The following IMMP2L variants were observed in gnomAD, a reference collection of about 807,000 sequenced individuals.
The protein encoded by IMMP2L is inner mitochondrial membrane peptidase subunit 2.
In IMMP2L, 18 loss-of-function variants were observed where a neutral mutation model predicts 19.3. That is an observed-to-expected ratio of 0.93 (90% CI 0.64 to 1.38). IMMP2L has a LOEUF of 1.38. Ranked by LOEUF, IMMP2L falls within the 40% of genes most tolerant of loss-of-function variation. IMMP2L has a pLI of 0.00. For missense variants in IMMP2L, 233 were observed against 218.2 expected (o/e 1.07, Z -0.43); for synonymous variants, 76 against 73.0 (o/e 1.04, Z -0.21).
chr7:111,475,620 T>C (rs148924131), intron 3 of IMMP2L, among the ~76,000 whole-genome samples: 2,298 of 152,138 alleles, frequency 0.015, 76 homozygotes, highest in African/African-American at 0.052. Flanking sequence ...ACAAGAGATA[T>C]GGAGATAACC....
chr7:111,100,385 A>G (rs1797844615), intron 3 of IMMP2L, among the ~76,000 whole-genome samples: 1 of 148,912 alleles, frequency 6.7e-6, no homozygotes, highest in African/African-American at 2.4e-5. Flanking sequence ...GATCAGGAGT[A>G]TATATATATA....
chr7:110,771,081 G>A (rs1307076644), intron 5 of IMMP2L, among the ~76,000 whole-genome samples: 4 of 152,138 alleles, frequency 2.6e-5, no homozygotes, highest in Admixed American at 2.0e-4. Context: ...GCAATGTCAA[G>A]GGAAAATTAA....
At position 111,281,136 on chromosome 7, in the gene IMMP2L, A is replaced by C. The variant is rs888708907; in HGVS notation, c.239+206102T>G. Reference sequence around the variant, plus strand: ...AAAGAGAGAAAGAGAGAAAGAGAGAAAGACAGAAAGACAGAAAGACAGAAA... The same window carrying C: ...AAAGAGAGAAAGAGAGAAAGAGAGACAGACAGAAAGACAGAAAGACAGAAA... On this transcript the variant is annotated intron_variant, in intron 3 of 5. Coordinates refer to ENST00000405709, the MANE Select transcript of IMMP2L (RefSeq NM_032549.4). Among the ~76,000 whole-genome samples, 27 of 72,610 alleles carry C rather than the reference A, an allele frequency of 3.7e-4. 1 individual carries two copies. The highest frequency in any genetic ancestry group is 1.7e-3 in the African/African-American group (26 of 15,032). The allele number at this position is 72,610 out of a possible 152,430, so 47.6% of individuals were successfully genotyped here.
chr7:111,530,708 AG>A (rs1296445596), intron 1 of IMMP2L, among the ~76,000 whole-genome samples: 15 of 152,244 alleles, frequency 9.9e-5, no homozygotes, highest in African/African-American at 3.4e-4. Flanking sequence ...AGAAAAAAAA[AG>A]GAATTAGAAT....
intron 3 of IMMP2L, among the ~76,000 whole-genome samples, chr7:111,313,480 T>C (rs1417620407): frequency 6.6e-6 from 1 of 152,150 alleles, no homozygotes; most frequent in African/African-American, 2.4e-5. Context: ...CTTCTAACCA[T>C]TTATAAAATA....
chr7:111,496,846 C>T (rs1052363040), intron 2 of IMMP2L, among the ~76,000 whole-genome samples: 1 of 152,062 alleles, frequency 6.6e-6, no homozygotes, highest in African/African-American at 2.4e-5. Context: ...TCTTAGCCTC[C>T]ATGATCACAT....
At chr7:111,462,869 T>C (rs2132023530) in intron 3 of IMMP2L, among the ~76,000 whole-genome samples, 1 of 152,244 alleles carries the variant, frequency 6.6e-6, no homozygotes, top group Non-Finnish European at 1.5e-5. Context: ...TCTGTGGCTA[T>C]ATATACACTT....
At chr7:111,432,505 A>G (rs1158809943) in intron 3 of IMMP2L, among the ~76,000 whole-genome samples, 1 of 151,824 alleles carries the variant, frequency 6.6e-6, no homozygotes, top group Non-Finnish European at 1.5e-5. Flanking sequence ...GCCTTCAGTA[A>G]AATTCAGCAT....
intron 5 of IMMP2L, among the ~76,000 whole-genome samples, chr7:110,693,454 A>T (rs1793652449): frequency 6.6e-6 from 1 of 152,200 alleles, no homozygotes; most frequent in Non-Finnish European, 1.5e-5. Context: ...ACATTACACA[A>T]TATAGACTTA....
chr7:111,372,541 A>G (rs1830346712), intron 3 of IMMP2L, among the ~76,000 whole-genome samples: 1 of 152,026 alleles, frequency 6.6e-6, no homozygotes, highest in South Asian at 2.1e-4. Flanking sequence ...AGGAAGGCAG[A>G]GAAGAGAGAT....
intron 3 of IMMP2L, among the ~76,000 whole-genome samples, chr7:111,161,902 C>T (rs890477776): frequency 6.6e-6 from 1 of 151,966 alleles, no homozygotes. Context: ...AATGTCTCCA[C>T]TTCAAATAAA....
In IMMP2L at chr7:110,921,758, C is replaced by G. The variant is rs188515692; in HGVS notation, c.306-35063G>C. On this transcript the variant is annotated intron_variant, in intron 4 of 5. Transcript: ENST00000405709. The stretch of plus-strand genomic sequence containing the variant: ...ATGTGCTTAACTACCCATGGCATAC[C>G]ACAAAGAACATTATTTTGACATATA... Among the ~76,000 whole-genome samples, 608 of 152,192 alleles carry G rather than the reference C, an allele frequency of 4.0e-3. 21 individuals are homozygous for G. Among genetic ancestry groups the G allele is most frequent in the Admixed American group, 0.038 (582 of 15,270 alleles).
intron 3 of IMMP2L, among the ~76,000 whole-genome samples, chr7:111,371,608 C>T (rs1318918058): frequency 1.3e-5 from 2 of 151,986 alleles, no homozygotes; most frequent in South Asian, 2.1e-4. Context: ...CACCATGTAA[C>T]GATACAGTAT....
chr7:111,219,608 C>T (rs1046613441), intron 3 of IMMP2L, among the ~76,000 whole-genome samples: 85 of 151,976 alleles, frequency 5.6e-4, no homozygotes, highest in Non-Finnish European at 2.4e-4. Context: ...TCTTAGGATG[C>T]ATTATCTTAT....
At chr7:110,771,409 T>C (rs914846224) in intron 5 of IMMP2L, among the ~76,000 whole-genome samples, 3 of 152,006 alleles carry the variant, frequency 2.0e-5, no homozygotes, top group Non-Finnish European at 4.4e-5. Context: ...GCTGAACAAA[T>C]GAAAAGGACC....
At chr7:111,279,282 T>C (rs1278922594) in intron 3 of IMMP2L, among the ~76,000 whole-genome samples, 1 of 152,170 alleles carries the variant, frequency 6.6e-6, no homozygotes, top group Admixed American at 6.6e-5. Context: ...ATGGGTTGAA[T>C]AGTGAACCCC....
intron 3 of IMMP2L, among the ~76,000 whole-genome samples, chr7:111,039,381 T>C (rs1791662913): frequency 6.6e-6 from 1 of 152,194 alleles, no homozygotes; most frequent in Non-Finnish European, 1.5e-5. Flanking sequence ...GAATATATGT[T>C]TCTAAACATA....
intron 4 of IMMP2L, among the ~76,000 whole-genome samples, chr7:110,899,168 T>G (rs1307548249): frequency 1.3e-5 from 2 of 152,158 alleles, no homozygotes; most frequent in Middle Eastern, 3.2e-3. Context: ...TGCATTTGGC[T>G]TTTTAACCCT....
At chr7:111,474,375 G>A (rs1488271318) in intron 3 of IMMP2L, among the ~76,000 whole-genome samples, 2 of 151,944 alleles carry the variant, frequency 1.3e-5, no homozygotes, top group East Asian at 3.9e-4. Context: ...AGTGTGCTAA[G>A]GAATCATACC....
Sources: allele counts gnomAD v4.1 joint callset (sites outside exome capture counted in the v4.1 genomes callset), GRCh38; gene constraint gnomAD v4.1.1; transcripts MANE v1.5; gene names NCBI Gene and HGNC (gene_info 2026-07-23, HGNC 2026-07-21).